Variants in SHROOM2 observed in about 807,000 individuals in gnomAD.
SHROOM2 encodes shroom family member 2.
Under a neutral mutation model 75.9 loss-of-function variants are expected in SHROOM2, and 33 were observed. That is an observed-to-expected ratio of 0.43 (90% CI 0.33 to 0.58). The LOEUF (loss-of-function observed/expected upper bound fraction) is 0.58. Ranked by LOEUF, SHROOM2 falls within the 20% of genes least tolerant of loss-of-function variation. The pLI is 0.04. For synonymous variants in SHROOM2, 655 were observed against 663.6 expected, an observed-to-expected ratio of 0.99 and a Z score of 0.20; for missense variants, 1,434 against 1,461.2, an observed-to-expected ratio of 0.98 and a Z score of 0.30.
chrX:9,919,514 T>C (rs975067529), intron 5 of SHROOM2, among the ~76,000 whole-genome samples: 1 of 108,253 alleles, frequency 9.2e-6, no homozygotes, highest in African/African-American at 3.4e-5. Context: ...CTATTTTTAG[T>C]AGAGACAGGG....
intron 5 of SHROOM2, among the ~76,000 whole-genome samples, chrX:9,914,563 G>A (rs754748808): frequency 5.4e-5 from 6 of 110,879 alleles, no homozygotes; most frequent in East Asian, 2.9e-4. Flanking sequence ...TAAGACAGTC[G>A]GGTCATTTCT....
intron 2 of SHROOM2, among the ~76,000 whole-genome samples, chrX:9,885,475 C>T (rs2084255932): frequency 1.8e-5 from 2 of 111,028 alleles, no homozygotes; most frequent in Admixed American, 1.9e-4. Context: ...TGCCAACAAA[C>T]AGAAACCACT....
intron 5 of SHROOM2, among the ~76,000 whole-genome samples, chrX:9,909,474 G>A (rs2084409718): frequency 8.9e-6 from 1 of 112,583 alleles, no homozygotes; most frequent in Non-Finnish European, 1.9e-5. Flanking sequence ...CCTCCAAAGA[G>A]TACAGTGTGG....
In SHROOM2 at chrX:9,932,756, A is replaced by G. The variant is rs1335901627; in HGVS notation, c.3473A>G (p.His1158Arg). 1 of 1,210,458 alleles carries G rather than the reference A, an allele frequency of 8.3e-7. No individual in the cohort carries two copies. The highest frequency in any genetic ancestry group is 1.8e-5 in the South Asian group (1 of 56,996). The change falls in exon 6 of 10, where the codon CAC becomes CGC. Residue 1158 changes from histidine (H) to arginine (R), a missense_variant. By Grantham distance (29) the His-to-Arg change is conservative. This residue lies in a region of SHROOM2 where 1,340 missense variants were observed against 1,338.3 expected (regional missense o/e 1.00). Transcript: ENST00000380913. Reference protein sequence around the residue: ...PEALLPPKQQHLRLQTATMET... With the variant: ...PEALLPPKQQRLRLQTATMET... The stretch of plus-strand genomic sequence containing the variant: ...GCACTGCTCCCTCCCAAGCAGCAGC[A>G]CCTGCGCCTGCAGACGGCCACCATG...
intron 1 of SHROOM2, among the ~76,000 whole-genome samples, chrX:9,867,630 A>G (rs1368241960): frequency 1.8e-5 from 2 of 111,395 alleles, no homozygotes; most frequent in Non-Finnish European, 3.8e-5. Context: ...AGCCTAATTA[A>G]TTCTACTGAA....
At chrX:9,787,469 C>G (rs1246195553) in intron 1 of SHROOM2, among the ~76,000 whole-genome samples, 2 of 112,357 alleles carry the variant, frequency 1.8e-5, no homozygotes, top group East Asian at 5.6e-4. Context: ...TCCAGTCACC[C>G]TGTGTTCTAG....
chrX:9,873,259 G>A (rs1338412898), intron 1 of SHROOM2, among the ~76,000 whole-genome samples: 1 of 112,435 alleles, frequency 8.9e-6, no homozygotes, highest in Non-Finnish European at 1.9e-5. Context: ...TGAATATATG[G>A]TATTTGAATT....
intron 1 of SHROOM2, among the ~76,000 whole-genome samples, chrX:9,837,322 C>G (rs1182626643): frequency 8.9e-6 from 1 of 112,684 alleles, no homozygotes; most frequent in Non-Finnish European, 1.9e-5. Flanking sequence ...TCTAATAAGC[C>G]AAATATTTTA....
chrX:9,809,814 G>A (rs1352583239), intron 1 of SHROOM2, among the ~76,000 whole-genome samples: 9 of 111,517 alleles, frequency 8.1e-5, no homozygotes, highest in Non-Finnish European at 1.3e-4. Context: ...GACTACAGGC[G>A]TGCACCACGA....
At chrX:9,943,056 G>A (rs1408683159) in intron 8 of SHROOM2, among the ~76,000 whole-genome samples, 3 of 109,164 alleles carry the variant, frequency 2.7e-5, no homozygotes, top group Non-Finnish European at 3.8e-5. Context: ...GAGAGACCCC[G>A]TCTCTACAAA....
In SHROOM2 at chrX:9,900,127, C is replaced by T. The variant is rs763262470; in HGVS notation, c.2891+1837C>T. 5.2e-4 allele frequency among the ~76,000 whole-genome samples: 58 copies of T among 111,526 alleles called. No homozygotes were observed. In the South Asian group the frequency reaches 0.022, roughly 41 times the overall value. ...CATGTCTCCCAGCAGACTGCATAAC[C>T]ACTCCAAAGAAATTAGTTCCAGAAA... On this transcript the variant is annotated intron_variant, in intron 5 of 9. Transcript: ENST00000380913.
chrX:9,901,383 A>T (rs779801175), intron 5 of SHROOM2, among the ~76,000 whole-genome samples: 171 of 112,099 alleles, frequency 1.5e-3, no homozygotes, highest in African/African-American at 4.7e-3. Context: ...CTGCTTCTCC[A>T]TTCTACCTTT....
At chrX:9,926,616 G>A (rs966725329) in intron 5 of SHROOM2, among the ~76,000 whole-genome samples, 2 of 111,759 alleles carry the variant, frequency 1.8e-5, no homozygotes, top group African/African-American at 3.3e-5. Context: ...CTTGTTGGCA[G>A]CATATAAATT....
chrX:9,914,627 T>C (rs1404027488), intron 5 of SHROOM2, among the ~76,000 whole-genome samples: 2 of 111,322 alleles, frequency 1.8e-5, no homozygotes, highest in Non-Finnish European at 3.8e-5. Flanking sequence ...GTTATTTACT[T>C]ATTTACCTTT....
chrX:9,887,219 G>A (rs1021307712), intron 2 of SHROOM2, among the ~76,000 whole-genome samples: 5 of 112,845 alleles, frequency 4.4e-5, no homozygotes, highest in African/African-American at 1.6e-4. Context: ...AACTGACCAA[G>A]CTAAAGGGCT....
chrX:9,844,829 A>AAATT (rs1367435672), intron 1 of SHROOM2, among the ~76,000 whole-genome samples: 1,092 of 103,692 alleles, frequency 0.011, 20 homozygotes, highest in African/African-American at 0.036. Context: ...ATAAATAAAT[A>AAATT]AATTAATTAA....
chrX:9,888,146 C>T (rs1217857344), intron 2 of SHROOM2, among the ~76,000 whole-genome samples: 2 of 113,214 alleles, frequency 1.8e-5, no homozygotes, highest in Non-Finnish European at 3.7e-5. Context: ...CACTCTCTCC[C>T]TTCCCCCATG....
intron 5 of SHROOM2, among the ~76,000 whole-genome samples, chrX:9,926,346 A>C (rs2084593929): frequency 9.0e-6 from 1 of 111,567 alleles, no homozygotes; most frequent in Non-Finnish European, 1.9e-5. Context: ...CAAAGTTCAA[A>C]ACTTTTTGAG....
At chrX:9,792,468 TG>T (rs1569133517) in intron 1 of SHROOM2, among the ~76,000 whole-genome samples, 54 of 107,452 alleles carry the variant, frequency 5.0e-4, no homozygotes, top group Middle Eastern at 4.7e-3. Flanking sequence ...TTTTTTTTTT[TG>T]TTGTTGTTGT....
Sources: allele counts gnomAD v4.1 joint callset (sites outside exome capture counted in the v4.1 genomes callset), GRCh38; gene constraint gnomAD v4.1.1; regional missense constraint gnomAD v4.1.1; transcripts MANE v1.5; gene names NCBI Gene and HGNC (gene_info 2026-07-23, HGNC 2026-07-21).